COL12A1: variants seen among roughly 807,000 people sequenced by gnomAD.
The protein encoded by COL12A1 is collagen type XII alpha 1 chain, also known as collagen alpha-1(XII) chain.
Under a neutral mutation model 349.7 loss-of-function variants are expected in COL12A1, and 114 were observed. That is an observed-to-expected ratio of 0.33 (90% CI 0.28 to 0.38). The LOEUF (loss-of-function observed/expected upper bound fraction) is 0.38. Among genes scored for constraint, COL12A1 ranks in the 10% least tolerant of loss-of-function variants. The probability of loss-of-function intolerance (pLI) is 1.00; values close to 1 mark genes in which losing one functional copy is unlikely to be tolerated. For missense variants in COL12A1, 3,284 were observed against 3,756.9 expected, an observed-to-expected ratio of 0.87 and a Z score of 3.29; for synonymous variants, 1,369 against 1,329.0, an observed-to-expected ratio of 1.03 and a Z score of -0.66.
chr6:75,120,244 A>G (rs1769289123), intron 44 of COL12A1, among the ~76,000 whole-genome samples: 1 of 152,188 alleles, frequency 6.6e-6, no homozygotes, highest in Non-Finnish European at 1.5e-5. Flanking sequence ...TAAATTAAGA[A>G]TATAACTAGG....
intron 2 of COL12A1, among the ~76,000 whole-genome samples, chr6:75,199,312 T>G (rs778028744): frequency 1.3e-5 from 2 of 152,226 alleles, no homozygotes; most frequent in Non-Finnish European, 2.9e-5. Context: ...AGAAGTAGAA[T>G]AGATGATCTC....
rs537750917 is a variant in COL12A1 at position 75,166,893 on chromosome 6, G to T, written c.2711-1114C>A. Among the ~76,000 whole-genome samples the T allele has an allele frequency of 3.9e-5, 6 of 152,100 alleles. No individual in the cohort carries two copies. In the South Asian group the frequency reaches 1.2e-3, roughly 32 times the overall value. On this transcript the variant is annotated intron_variant, in intron 13 of 65. Transcript: ENST00000322507. ...GGACAAAAACCTATCATATATGGTC[G>T]ATTTAGAGGGAAAAAATAAATGAAA...
chr6:75,202,077 A>T (rs240361), intron 2 of COL12A1, among the ~76,000 whole-genome samples: 5,758 of 152,210 alleles, frequency 0.038, 360 homozygotes, highest in African/African-American at 0.13. Flanking sequence ...CGCGCCTTGG[A>T]GCCCTGCTAA....
chr6:75,125,278 A>T lies in COL12A1; in HGVS notation c.6461-5T>A, dbSNP rs1765957785. ...CTTCCATGGGCTCATTGGAACCTTT[A>T]TTAACAACCACAAAAATACACAGAA... On this transcript the variant is annotated splice_polypyrimidine_tract_variant and splice_region_variant and intron_variant, in intron 39 of 65. Coordinates refer to ENST00000322507, the MANE Select transcript of COL12A1 (RefSeq NM_004370.6). 6.3e-7 allele frequency: 1 copy of T among 1,592,550 alleles called. No individual in the cohort carries two copies. Among genetic ancestry groups the T allele is most frequent in the South Asian group, 1.2e-5 (1 of 86,522 alleles).
intron 13 of COL12A1, among the ~76,000 whole-genome samples, chr6:75,174,387 C>T (rs993315558): frequency 4.6e-5 from 7 of 151,830 alleles, no homozygotes; most frequent in South Asian, 4.2e-4. Context: ...AAACCCCGTC[C>T]CTACTAAAAA....
At position 75,130,075 on chromosome 6, in the gene COL12A1, T is replaced by C. The variant is rs773629728; in HGVS notation, c.6210+16A>G. 47 of 1,610,536 alleles carry C rather than the reference T, an allele frequency of 2.9e-5. No homozygotes were observed. The highest frequency in any genetic ancestry group is 3.7e-5 in the Non-Finnish European group (44 of 1,178,876). On this transcript the variant is annotated intron_variant, in intron 37 of 65. Coordinates refer to ENST00000322507, the MANE Select transcript of COL12A1 (RefSeq NM_004370.6). ...TAAGATGATAAAATGTGCCAATAAA[T>C]GAGTATCAGACTTACATATTCATCA...
intron 13 of COL12A1, among the ~76,000 whole-genome samples, chr6:75,170,502 A>G (rs1429370918): frequency 6.6e-6 from 1 of 152,264 alleles, no homozygotes; most frequent in Non-Finnish European, 1.5e-5. Flanking sequence ...AGTTACTTTA[A>G]GCTATGCACA....
rs370098714 is a variant in COL12A1, at chr6:75,130,074, A to G, written c.6210+17T>C. On this transcript the variant is annotated intron_variant, in intron 37 of 65. Coordinates refer to ENST00000322507, the MANE Select transcript of COL12A1 (RefSeq NM_004370.6). The stretch of plus-strand genomic sequence containing the variant: ...CTAAGATGATAAAATGTGCCAATAA[A>G]TGAGTATCAGACTTACATATTCATC... 3.1e-6 allele frequency: 5 copies of G among 1,610,686 alleles called. No homozygotes were observed. In the African/African-American group the frequency reaches 4.0e-5, roughly 13 times the overall value.
intron 10 of COL12A1, among the ~76,000 whole-genome samples, chr6:75,182,346 G>A (rs1004869143): frequency 6.6e-6 from 1 of 151,468 alleles, no homozygotes; most frequent in South Asian, 2.1e-4. Flanking sequence ...TTTTCCTAAT[G>A]CCATCCCTCC....
intron 54 of COL12A1, among the ~76,000 whole-genome samples, 181 bp from the exon 55 acceptor site, chr6:75,103,991 TTGTACATTCTGAG>T (rs1006441038): frequency 2.0e-5 from 3 of 152,202 alleles, no homozygotes; most frequent in African/African-American, 7.2e-5. Flanking sequence ...TTTCAAAACT[TTGTACATTCTGAG>T]TGTCTTTAAT....
intron 14 of COL12A1, among the ~76,000 whole-genome samples, chr6:75,158,138 G>A (rs1451762271): frequency 6.6e-6 from 1 of 152,042 alleles, no homozygotes; most frequent in African/African-American, 2.4e-5. Flanking sequence ...CTTGTATCAT[G>A]GATTGAAGGT....
intron 2 of COL12A1, among the ~76,000 whole-genome samples, chr6:75,201,875 T>C (rs1770546051): frequency 1.3e-5 from 2 of 152,298 alleles, no homozygotes; most frequent in East Asian, 1.9e-4. Flanking sequence ...GGCGCCGTTT[T>C]GGAAACCCAT....
At chr6:75,120,194 T>C (rs2149367867) in intron 44 of COL12A1, among the ~76,000 whole-genome samples, 1 of 152,340 alleles carries the variant, frequency 6.6e-6, no homozygotes, top group South Asian at 2.1e-4. Flanking sequence ...AAAAGCTTGC[T>C]AGTTGAATTA....
chr6:75,131,118 G>T, intron 35 of COL12A1, 137 bp from the exon 36 acceptor site: 1 of 1,145,814 alleles, frequency 8.7e-7, no homozygotes, highest in African/African-American at 1.5e-5. Context: ...TTCTCCATAA[G>T]ATCCACCCAG....
intron 25 of COL12A1, among the ~76,000 whole-genome samples, chr6:75,144,260 T>C (rs1767063049): frequency 6.6e-6 from 1 of 152,152 alleles, no homozygotes; most frequent in African/African-American, 2.4e-5. Context: ...TGAGTCTCTA[T>C]CCCTGGCTGA....
chr6:75,180,200 C>T (rs948539192), intron 11 of COL12A1, among the ~76,000 whole-genome samples: 2 of 152,192 alleles, frequency 1.3e-5, no homozygotes, highest in Non-Finnish European at 2.9e-5. Context: ...TTCTGACACA[C>T]GCTACGACAT....
At chr6:75,106,893 CTTTTTCTTTTTTTTTTT>C (rs1562125402) in intron 52 of COL12A1, among the ~76,000 whole-genome samples, 2 of 89,468 alleles carry the variant, frequency 2.2e-5, no homozygotes, top group African/African-American at 3.8e-5. Flanking sequence ...TTTCTTTTTT[CTTTTTCTTTTTTTTTTT>C]TTTTTTTTTG....
intron 53 of COL12A1, among the ~76,000 whole-genome samples, chr6:75,105,936 T>C (rs1371262695): frequency 6.6e-6 from 1 of 152,190 alleles, no homozygotes; most frequent in Non-Finnish European, 1.5e-5. Context: ...CCTGTGGATG[T>C]ATGTGGGTCT....
Position 75,100,643 on chromosome 6 carries a change from C to T in COL12A1, c.8523+957G>A, listed in dbSNP as rs149888136. ...GAGGCATGGGAACAAATAAAGTTCACTGGCATATCATCTACCATTTTGTAT... is the reference window on the plus strand; with the variant it reads ...GAGGCATGGGAACAAATAAAGTTCATTGGCATATCATCTACCATTTTGTAT... On this transcript the variant is annotated intron_variant, in intron 58 of 65. Transcript: ENST00000322507. Among the ~76,000 whole-genome samples the T allele has an allele frequency of 5.3e-5, 8 of 152,298 alleles. No homozygotes were observed. In the East Asian group the frequency reaches 1.5e-3, roughly 29 times the overall value.
Sources: gnomAD v4.1 joint callset for allele counts (sites outside exome capture counted in the v4.1 genomes callset) on GRCh38, gnomAD v4.1.1 for gene constraint, MANE v1.5 for transcripts, NCBI Gene and HGNC (gene_info 2026-07-23, HGNC 2026-07-21) for gene names.